The following CLCN6 variants were observed in gnomAD, a reference collection of about 807,000 sequenced individuals.
CLCN6 encodes Cl-/H+ antiporter 6.
Under a neutral mutation model 109.8 loss-of-function variants are expected in CLCN6, and 70 were observed. The ratio of observed to expected loss-of-function variants is 0.64; its 90% confidence interval spans 0.53 to 0.78. The LOEUF (loss-of-function observed/expected upper bound fraction) is 0.78. CLCN6 is among the 30% of genes least tolerant of loss of function. The pLI, the probability that CLCN6 is intolerant of heterozygous loss-of-function variation, is 0.00. For missense variants in CLCN6, 984 were observed against 1,142.3 expected (o/e 0.86, Z 2.00); for synonymous variants, 444 against 447.8 (o/e 0.99, Z 0.11).
intron 2 of CLCN6, 91 bp downstream of exon 2, chr1:11,807,281 CTT>C (rs1384506598): frequency 1.3e-5 from 15 of 1,121,196 alleles, no homozygotes; most frequent in Admixed American, 1.8e-5. Context: ...CAGAGATGCT[CTT>C]TGACCTTCTG....
At chr1:11,825,403 C>T (rs1557426966) in intron 8 of CLCN6, among the ~76,000 whole-genome samples, 1 of 152,238 alleles carries the variant, frequency 6.6e-6, no homozygotes, top group Non-Finnish European at 1.5e-5. Context: ...AGACAGAGGA[C>T]AGGCTCTGGG....
chr1:11,819,459 CT>C (rs1368894055), intron 4 of CLCN6, 28 bp from the exon 5 acceptor site: 1 of 1,602,462 alleles, frequency 6.2e-7, no homozygotes, highest in South Asian at 1.1e-5. Flanking sequence ...GGAAATAAGG[CT>C]GTGTGACAGA....
At chr1:11,808,219 G>A (rs894100001) in intron 2 of CLCN6, among the ~76,000 whole-genome samples, 1 of 121,480 alleles carries the variant, frequency 8.2e-6, no homozygotes, top group African/African-American at 3.4e-5. Context: ...TTGTATGTGT[G>A]TGTGTGTTTG....
rs747499856 is a variant in CLCN6 at position 11,823,724 on chromosome 1, C to A, written c.471C>A (p.Ser157=). 1 of 1,614,072 alleles carries A rather than the reference C, an allele frequency of 6.2e-7. No individual in the cohort carries two copies. The highest frequency in any genetic ancestry group is 8.5e-7 in the Non-Finnish European group (1 of 1,180,030). ...TCCATCAGCCGGTGGCAGCAGGTTC[C>A]GGGATACCCGAGGTCAAATGCTATC... ...LVLIEPVAAG[S]GIPEVKCYLN... Residue 157 remains serine (S), a synonymous_variant, in exon 7 of 23, where the codon TCC becomes TCA. Transcript: ENST00000346436.
rs557581431 is a variant in CLCN6 at position 11,810,602 on chromosome 1, C to T, written c.147+3412C>T. 9.7e-4 allele frequency among the ~76,000 whole-genome samples: 147 copies of T among 152,298 alleles called. 1 individual carries two copies. The highest frequency in any genetic ancestry group is 3.4e-3 in the African/African-American group (141 of 41,552). On this transcript the variant is annotated intron_variant, in intron 2 of 22. Transcript: ENST00000346436. ...TAACAGCCCTGCAAGACACAGATAACATTTTATTTTTTTAAAAAGTTGTTA... is the reference window on the plus strand; with the variant it reads ...TAACAGCCCTGCAAGACACAGATAATATTTTATTTTTTTAAAAAGTTGTTA...
intron 13 of CLCN6, 151 bp downstream of exon 13, chr1:11,829,473 G>T (rs1340351940): frequency 2.1e-6 from 2 of 942,246 alleles, no homozygotes; most frequent in Admixed American, 4.7e-5. Context: ...ATCTGTAGTC[G>T]TCTTTTTACC....
At position 11,823,700 on chromosome 1, in the gene CLCN6, C is replaced by T. The variant is rs1466978435; in HGVS notation, c.454-7C>T. On this transcript the variant is annotated splice_region_variant and splice_polypyrimidine_tract_variant and intron_variant, in intron 6 of 22. Transcript: ENST00000346436. ...GAGTTATGGGTGTGCCTGCTCTCCT[C>T]CATCAGCCGGTGGCAGCAGGTTCCG... 1 of 1,614,156 alleles carries T rather than the reference C, an allele frequency of 6.2e-7. No individual in the cohort carries two copies. Among genetic ancestry groups the T allele is most frequent in the South Asian group, 1.1e-5 (1 of 91,078 alleles).
In CLCN6 at chr1:11,837,470, C is replaced by T. The variant is rs1444187729; in HGVS notation, c.2266C>T (p.Arg756Ter). The T allele has an allele frequency of 5.6e-6, 9 of 1,614,014 alleles. No individual in the cohort carries two copies. The highest frequency in any genetic ancestry group is 7.6e-6 in the Non-Finnish European group (9 of 1,179,916). The change falls in exon 20 of 23, where the codon CGA becomes TGA. Residue 756 changes from arginine (R) to a stop codon, truncating the protein, a stop_gained. Coordinates refer to ENST00000346436, the MANE Select transcript of CLCN6 (RefSeq NM_001286.5). LOFTEE classifies it high-confidence loss of function. Reference protein sequence around the residue: ...LRSQLVTLLVRGVCYSESQSS... With the variant: ...LRSQLVTLLV ...GTCGCAGCTTGTCACCCTGCTTGTC[C>T]GAGGAGTTTGTTACTCTGAAAGCCA...
intron 2 of CLCN6, among the ~76,000 whole-genome samples, chr1:11,810,779 AAAG>A (rs58941765): frequency 0.03 from 4,622 of 152,288 alleles, 207 homozygotes; most frequent in African/African-American, 0.1. Context: ...TTTAAAAAAA[AAAG>A]AAGCGTGGCA....
chr1:11,824,381 T>C (rs1644784866), intron 7 of CLCN6, 105 bp from the exon 8 acceptor site: 9 of 789,568 alleles, frequency 1.1e-5, no homozygotes, highest in Middle Eastern at 4.8e-4. Flanking sequence ...AGTCTTAGGA[T>C]CATCTCTGTT....
chr1:11,806,588 C>A, intron 1 of CLCN6: 2 of 461,592 alleles, frequency 4.3e-6, no homozygotes, highest in Non-Finnish European at 3.8e-6. Context: ...TAAATCCCAC[C>A]CATGTTTCCT....
At chr1:11,824,448 G>C in intron 7 of CLCN6, 38 bp from the exon 8 acceptor site, 1 of 1,578,440 alleles carries the variant, frequency 6.3e-7, no homozygotes, top group East Asian at 2.3e-5. Flanking sequence ...GGGCGTTTCT[G>C]CACTGACTGT....
intron 5 of CLCN6, chr1:11,820,253 G>A (rs1012988149): frequency 3.2e-6 from 2 of 632,670 alleles, no homozygotes; most frequent in Non-Finnish European, 5.9e-6. Context: ...AATGCACCAT[G>A]ACTGTGCCTG....
chr1:11,825,282 C>T (rs1464311197), intron 8 of CLCN6, among the ~76,000 whole-genome samples: 2 of 152,192 alleles, frequency 1.3e-5, no homozygotes, highest in Non-Finnish European at 2.9e-5. Context: ...GTCCAGAGCT[C>T]GTCTTTTGGT....
chr1:11,827,429 AC>A (rs1288485235), intron 10 of CLCN6, among the ~76,000 whole-genome samples: 12 of 116,550 alleles, frequency 1.0e-4, no homozygotes, highest in Admixed American at 1.6e-4. Flanking sequence ...AACCGCTGTT[AC>A]TTTTTTTTTT....
intron 22 of CLCN6, 128 bp downstream of exon 22, chr1:11,838,788 T>C (rs777004391): frequency 1.0e-5 from 14 of 1,381,998 alleles, no homozygotes; most frequent in Admixed American, 8.4e-5. Flanking sequence ...GGCCCAACAC[T>C]AGCTTTGAAC....
Position 11,807,122 on chromosome 1 carries a change from T to C in CLCN6, c.88-9T>C. 6.2e-7 allele frequency: 1 copy of C among 1,613,908 alleles called. No individual in the cohort carries two copies. The highest frequency in any genetic ancestry group is 8.5e-7 in the Non-Finnish European group (1 of 1,179,796). On this transcript the variant is annotated splice_polypyrimidine_tract_variant and intron_variant, in intron 1 of 22. Coordinates refer to ENST00000346436, the MANE Select transcript of CLCN6 (RefSeq NM_001286.5). ...AAAAAAGGCTCCCTCTGCGGATCTG[T>C]TTTTCTAGACCATCCTTGGAGAAAC...
At chr1:11,833,769 C>T (rs997968899) in intron 14 of CLCN6, 108 bp from the exon 15 acceptor site, 50 of 1,559,946 alleles carry the variant, frequency 3.2e-5, no homozygotes, top group Non-Finnish European at 3.9e-5. Flanking sequence ...TGGTTTCTGC[C>T]TCCTGTGTTG....
chr1:11,820,692 G>A (rs147124396), intron 5 of CLCN6: 24,333 of 246,032 alleles, frequency 0.099, 1,310 homozygotes, highest in South Asian at 0.14. Context: ...GCATGAACCT[G>A]GGAGGCGGAG....
Sources: gnomAD v4.1 joint callset for allele counts (sites outside exome capture counted in the v4.1 genomes callset) on GRCh38, gnomAD v4.1.1 for gene constraint, MANE v1.5 for transcripts, NCBI Gene and HGNC (gene_info 2026-07-23, HGNC 2026-07-21) for gene names.